DHX9: variants seen among roughly 807,000 people sequenced by gnomAD.
DHX9 encodes ATP-dependent RNA helicase A.
DHX9 carries 27 observed loss-of-function variants against 148.7 expected under a neutral mutation model. That is an observed-to-expected ratio of 0.18 (90% CI 0.13 to 0.25). The LOEUF is 0.25. Among genes scored for constraint, DHX9 ranks in the 10% least tolerant of loss-of-function variants. DHX9 has a pLI of 1.00. For missense variants in DHX9, 796 were observed against 1,559.6 expected, an observed-to-expected ratio of 0.51 and a Z score of 8.25; for synonymous variants, 529 against 516.6, an observed-to-expected ratio of 1.02 and a Z score of -0.33.
At chr1:182,883,883 A>AT (rs2102622123) in intron 26 of DHX9, among the ~76,000 whole-genome samples, 1 of 152,328 alleles carries the variant, frequency 6.6e-6, no homozygotes, top group East Asian at 1.9e-4. Flanking sequence ...CATACTCTGT[A>AT]TATTGATTCA....
rs547484332 is a variant in DHX9 at position 182,869,748 on chromosome 1, G to A, written c.1558-2589G>A. Among the ~76,000 whole-genome samples the A allele has an allele frequency of 1.0e-3, 152 of 152,312 alleles. 1 individual carries two copies. The highest frequency in any genetic ancestry group is 3.4e-3 in the Middle Eastern group (1 of 294). On this transcript the variant is annotated intron_variant, in intron 14 of 27. Transcript: ENST00000367549. ...CGAGTAGCTGGGATTGTAGGCGCCT[G>A]CCACCACACCTGGGTAATTTTTGTA...
intron 5 of DHX9, among the ~76,000 whole-genome samples, 191 bp downstream of exon 5, chr1:182,853,609 T>C (rs1472078749): frequency 6.6e-6 from 1 of 152,154 alleles, no homozygotes; most frequent in African/African-American, 2.4e-5. Context: ...ACATTGCCTA[T>C]GGAGGAAAAA....
chr1:182,840,066 G>T (rs569131396), intron 1 of DHX9: 5 of 152,424 alleles, frequency 3.3e-5, no homozygotes, highest in Admixed American at 6.5e-5. Context: ...CTGAAAGCAG[G>T]CCATGTGACT....
At chr1:182,854,574 A>G (rs1206126814) in intron 6 of DHX9, among the ~76,000 whole-genome samples, 4 of 152,088 alleles carry the variant, frequency 2.6e-5, no homozygotes, top group Non-Finnish European at 5.9e-5. Context: ...GTCAGGTTAG[A>G]TACTTAAGCT....
rs1371533506 is a variant in DHX9 at position 182,881,345 on chromosome 1, T to C, written c.2706T>C (p.Tyr902=). 6.2e-7 allele frequency: 1 copy of C among 1,614,230 alleles called. No individual in the cohort carries two copies. ...PFINEGKRLG[Y]IHRNFAGNRF... is the part of the protein sequence containing the mutation. ...TCAATGAAGGAAAGCGGCTGGGCTATATCCATCGAAATTTTGCTGGAAACA... is the reference window on the plus strand; with the variant it reads ...TCAATGAAGGAAAGCGGCTGGGCTACATCCATCGAAATTTTGCTGGAAACA... The change falls in exon 23 of 28, where the codon TAT becomes TAC. Residue 902 remains tyrosine, a synonymous_variant. Transcript: ENST00000367549.
rs759817866 is a variant in DHX9, at chr1:182,872,411, T to C, written c.1632T>C (p.Ala544=). ...AAGTTCGCATTGTTCTTATGTCTGC[T>C]ACTATTGATACCAGCATGTTTTGTG... ...YPEVRIVLMS[A]TIDTSMFCEY... Residue 544 remains alanine, a synonymous_variant, in exon 15 of 28, where the codon GCT becomes GCC. Transcript: ENST00000367549. 1 of 1,614,138 alleles carries C rather than the reference T, an allele frequency of 6.2e-7. No homozygotes were observed. The highest frequency in any genetic ancestry group is 8.5e-7 in the Non-Finnish European group (1 of 1,179,998).
At chr1:182,845,262 TTCTTTA>T (rs1424521422) in intron 3 of DHX9, among the ~76,000 whole-genome samples, 1 of 152,186 alleles carries the variant, frequency 6.6e-6, no homozygotes, top group African/African-American at 2.4e-5. Context: ...TCTCCCTCTA[TTCTTTA>T]TCTTTTAGGC....
intron 6 of DHX9, among the ~76,000 whole-genome samples, chr1:182,856,007 A>C (rs920777467): frequency 6.6e-6 from 1 of 152,238 alleles, no homozygotes; most frequent in African/African-American, 2.4e-5. Context: ...GCTGCTTCCA[A>C]CTGCAGGCAG....
chr1:182,866,138 G>A (rs1404338020), intron 12 of DHX9, among the ~76,000 whole-genome samples: 2 of 152,170 alleles, frequency 1.3e-5, no homozygotes, highest in Admixed American at 6.5e-5. Flanking sequence ...TTTTTAGTGT[G>A]GCGATCGGTT....
Position 182,846,943 on chromosome 1 carries a change from TTTA to T in DHX9, c.252+3512_252+3514del, listed in dbSNP as rs200067726. Among the ~76,000 whole-genome samples the T allele has an allele frequency of 5.9e-3, 891 of 152,192 alleles. 10 individuals are homozygous for T. The highest frequency in any genetic ancestry group is 0.034 in the East Asian group (176 of 5,190). On this transcript the variant is annotated intron_variant, in intron 3 of 27. Transcript: ENST00000367549. The stretch of plus-strand genomic sequence containing the variant: ...CCACTGTTTCTCAAATTGAATAATT[TTTA>T]TTGATTATCTTCAGATTCTTTGATA...
At chr1:182,855,407 G>C (rs1186322468) in intron 6 of DHX9, among the ~76,000 whole-genome samples, 1 of 152,174 alleles carries the variant, frequency 6.6e-6, no homozygotes, top group Non-Finnish European at 1.5e-5. Flanking sequence ...ACAGACAGTT[G>C]GGGGAGCCAG....
intron 12 of DHX9, among the ~76,000 whole-genome samples, chr1:182,863,842 C>G (rs888261944): frequency 6.6e-6 from 1 of 151,712 alleles, no homozygotes; most frequent in African/African-American, 2.4e-5. Flanking sequence ...ATACATACAC[C>G]TTGGGGAAAT....
chr1:182,879,187 A>T, intron 20 of DHX9, 63 bp from the exon 21 acceptor site: 1 of 1,330,442 alleles, frequency 7.5e-7, no homozygotes, highest in East Asian at 2.5e-5. Flanking sequence ...CTTGCTGCAA[A>T]AAGTTTATTA....
At chr1:182,886,188 T>A (rs1315196372) in intron 27 of DHX9, among the ~76,000 whole-genome samples, 3 of 110,104 alleles carry the variant, frequency 2.7e-5, no homozygotes, top group African/African-American at 1.0e-4. Context: ...TTTTTAAATT[T>A]ATTTATTTAT....
intron 25 of DHX9, 21 bp from the exon 26 acceptor site, chr1:182,883,499 T>C (rs1241933209): frequency 1.9e-6 from 3 of 1,605,966 alleles, no homozygotes; most frequent in East Asian, 4.5e-5. Flanking sequence ...CATTTTGTAT[T>C]GTCTCTTTCT....
At chr1:182,866,862 A>G in intron 13 of DHX9, 99 bp from the exon 14 acceptor site, 1 of 941,526 alleles carries the variant, frequency 1.1e-6, no homozygotes, top group Admixed American at 2.5e-5. Flanking sequence ...ATTATTTTCT[A>G]AAATGATGCT....
Position 182,876,537 on chromosome 1 carries a change from C to G in DHX9, c.2120C>G (p.Thr707Ser), listed in dbSNP as rs754881072. Residue 707 changes from threonine to serine, a missense_variant, in exon 18 of 28, where the codon ACC (threonine) becomes AGC (serine). Physicochemically the swap from Thr to Ser is moderately conservative, Grantham distance 58. This residue lies in a region of DHX9 where 133 missense variants were observed against 223.8 expected (regional missense o/e 0.59). Transcript: ENST00000367549. ...KVFDPVPVGVTKVILSTNIAE... is the reference protein window; with the variant it reads ...KVFDPVPVGVSKVILSTNIAE... ...TTTGATCCAGTACCAGTTGGAGTAA[C>G]CAAGGTAAATATTAAACATTAGAGT... The G allele has an allele frequency of 2.5e-6, 4 of 1,609,844 alleles. No individual in the cohort carries two copies. The highest frequency in any genetic ancestry group is 3.3e-5 in the Admixed American group (2 of 59,980).
chr1:182,868,659 G>C (rs1355032577), intron 14 of DHX9, among the ~76,000 whole-genome samples: 1 of 151,750 alleles, frequency 6.6e-6, no homozygotes, highest in African/African-American at 2.4e-5. Flanking sequence ...GGGATTACAG[G>C]TGCCTGCCAC....
intron 15 of DHX9, among the ~76,000 whole-genome samples, chr1:182,873,296 GATAGTCATCTGGTAGCTGTGGGGGAAAAA>G (rs1263092193): frequency 1.3e-5 from 2 of 152,108 alleles, no homozygotes; most frequent in African/African-American, 4.8e-5. Context: ...AGTTTTCTAG[GATAGTCATCTGGTAGCTGTGGGGGAAAAA>G]AAAGAATTAT....
Sources: allele counts gnomAD v4.1 joint callset (sites outside exome capture counted in the v4.1 genomes callset), GRCh38; gene constraint gnomAD v4.1.1; regional missense constraint gnomAD v4.1.1; transcripts MANE v1.5; gene names NCBI Gene and HGNC (gene_info 2026-07-23, HGNC 2026-07-21).